Variants in SAMD5 observed in about 807,000 individuals in gnomAD.
SAMD5 encodes the protein sterile alpha motif domain-containing protein 5.
In SAMD5, 13 loss-of-function variants were observed where a neutral mutation model predicts 11.3. The ratio of observed to expected loss-of-function variants is 1.15; its 90% confidence interval spans 0.75 to 1.83. SAMD5 has a LOEUF of 1.83. Among genes scored for constraint, SAMD5 ranks in the 40% most tolerant of loss-of-function variants. The probability of loss-of-function intolerance (pLI) is 0.00; values close to 1 mark genes in which losing one functional copy is unlikely to be tolerated. For missense variants in SAMD5, 255 were observed against 239.1 expected, an observed-to-expected ratio of 1.07 and a Z score of -0.44; for synonymous variants, 129 against 111.3, an observed-to-expected ratio of 1.16 and a Z score of -1.00.
chr6:147,773,901 G>A, the SAMD5 span, among the ~76,000 whole-genome samples: 1 of 152,112 alleles, frequency 6.6e-6, no homozygotes, highest in African/African-American at 2.4e-5. Context: ...GTAGTGCAGT[G>A]GCATGATCAC....
intron 1 of SAMD5, among the ~76,000 whole-genome samples, chr6:147,537,329 T>G (rs1035571916): frequency 2.0e-5 from 3 of 152,206 alleles, no homozygotes; most frequent in Non-Finnish European, 2.9e-5. Context: ...AGACATGATT[T>G]AAAATTTGAT....
In SAMD5 at chr6:147,633,637, C is replaced by G. The variant is rs900438374; in HGVS notation, c.163-103680C>G. Reference sequence around the variant, plus strand: ...CATACAACATACAACAGCTTCCATGCAAAGTATTGAACCCAATCTGGTAAT... The same window carrying G: ...CATACAACATACAACAGCTTCCATGGAAAGTATTGAACCCAATCTGGTAAT... On this transcript the variant is annotated intron_variant, in intron 1 of 1. Transcript: ENST00000566741. Among the ~76,000 whole-genome samples, 7 of 150,938 alleles carry G rather than the reference C, an allele frequency of 4.6e-5. No homozygotes were observed. In the South Asian group the frequency reaches 8.3e-4, roughly 18 times the overall value.
chr6:147,558,795 G>A (rs1018143592), intron 1 of SAMD5, among the ~76,000 whole-genome samples: 1 of 151,818 alleles, frequency 6.6e-6, no homozygotes, highest in African/African-American at 2.4e-5. Flanking sequence ...CCCCTTTAAG[G>A]CTAACTCCCA....
intron 1 of SAMD5, among the ~76,000 whole-genome samples, chr6:147,595,521 C>A (rs1394604068): frequency 7.4e-6 from 1 of 134,776 alleles, no homozygotes; most frequent in Non-Finnish European, 1.5e-5. Flanking sequence ...GACTAAACTA[C>A]CTTTTTTTTT....
chr6:147,551,812 T>TTTTATATA (rs368122795), intron 1 of SAMD5, among the ~76,000 whole-genome samples: 20 of 99,454 alleles, frequency 2.0e-4, no homozygotes, highest in Middle Eastern at 5.4e-3. Context: ...TATATATATG[T>TTTTATATA]TATATATATA....
intron 1 of SAMD5, among the ~76,000 whole-genome samples, chr6:147,667,290 C>CT (rs578190164): frequency 1.9e-3 from 287 of 151,660 alleles, no homozygotes; most frequent in African/African-American, 4.2e-3. Context: ...TCGTCAGCAT[C>CT]TTTTTTTTAA....
chr6:147,733,756 C>G, intron 1 of SAMD5: 3 of 967,004 alleles, frequency 3.1e-6, no homozygotes, highest in Non-Finnish European at 2.5e-6. Context: ...ATTCTTCAGG[C>G]AGAAAATGGG....
At chr6:147,910,712 G>A in the SAMD5 span, among the ~76,000 whole-genome samples, 1 of 152,126 alleles carries the variant, frequency 6.6e-6, no homozygotes, top group Non-Finnish European at 1.5e-5. Context: ...GATAATTTGT[G>A]CTGGCCAGTC....
chr6:147,765,527 A>G, the SAMD5 span, among the ~76,000 whole-genome samples: 2 of 152,232 alleles, frequency 1.3e-5, no homozygotes, highest in East Asian at 1.9e-4. Flanking sequence ...AGAAAAGGCA[A>G]CAGTGGAAAA....
At chr6:147,675,305 C>A (rs930072362) in intron 1 of SAMD5, among the ~76,000 whole-genome samples, 8 of 152,114 alleles carry the variant, frequency 5.3e-5, no homozygotes, top group Non-Finnish European at 8.8e-5. Context: ...TGTTCCTGGG[C>A]TTCCTTTAGA....
the SAMD5 span, among the ~76,000 whole-genome samples, chr6:147,921,088 ACCAGACATTGGT>A: frequency 5.3e-5 from 8 of 152,240 alleles, no homozygotes; most frequent in Admixed American, 5.2e-4. Context: ...ACTATTCTGA[ACCAGACATTGGT>A]CCAGAATAAG....
chr6:147,721,251 C>G lies in SAMD5; in HGVS notation c.163-16066C>G, dbSNP rs6911881. 2.6e-3 allele frequency among the ~76,000 whole-genome samples: 392 copies of G among 149,560 alleles called. 5 individuals carry two copies. The highest frequency in any genetic ancestry group is 9.3e-3 in the African/African-American group (373 of 40,276). On this transcript the variant is annotated intron_variant, in intron 1 of 1. Transcript: ENST00000566741. ...GCTGGGTCAAATGGTATTTCTAGTT[C>G]TAGATCCCTGAGGAATCGCCACACT... is the stretch of plus-strand genomic sequence containing the variant.
chr6:147,758,675 A>C, the SAMD5 span, among the ~76,000 whole-genome samples: 2 of 152,198 alleles, frequency 1.3e-5, no homozygotes, highest in Non-Finnish European at 2.9e-5. Flanking sequence ...AAATCGAGTC[A>C]GGGCATACCT....
Position 147,568,203 on chromosome 6 carries a change from A to G in SAMD5, c.*3747A>G, listed in dbSNP as rs752767487. The G allele has an allele frequency of 1.9e-5, 19 of 985,306 alleles. No homozygotes were observed. The highest frequency in any genetic ancestry group is 1.0e-3 in the Middle Eastern group (2 of 1,936). 61.0% of individuals were successfully genotyped at this position (985,306 alleles called of 1,614,324 possible). A position where few individuals can be genotyped will look rare whatever the true frequency, so the allele number is the denominator to read the frequency against. On this transcript the variant is annotated 3_prime_UTR_variant, in exon 2 of 2. Transcript: ENST00000367474. ...CAAGATACAAAGCAGATGATGGTGG[A>G]TCGGCAAACTCTTTTCTATGAAAAG... is the stretch of plus-strand genomic sequence containing the variant.
chr6:147,759,678 G>A, the SAMD5 span, among the ~76,000 whole-genome samples: 1 of 151,808 alleles, frequency 6.6e-6, no homozygotes. Flanking sequence ...TAAAGTCTAG[G>A]TTCCCAAGGC....
intron 1 of SAMD5, among the ~76,000 whole-genome samples, chr6:147,529,449 A>G (rs1465743648): frequency 2.0e-5 from 3 of 152,178 alleles, no homozygotes; most frequent in Non-Finnish European, 4.4e-5. Flanking sequence ...CTAGAATTGA[A>G]CATTCTCTTC....
the SAMD5 span, among the ~76,000 whole-genome samples, chr6:147,782,820 A>G: frequency 6.6e-6 from 1 of 152,248 alleles, no homozygotes; most frequent in Non-Finnish European, 1.5e-5. Flanking sequence ...TTACTGATGA[A>G]TTGTGAGCTA....
chr6:147,672,789 G>A (rs1790812427), intron 1 of SAMD5, among the ~76,000 whole-genome samples: 1 of 151,912 alleles, frequency 6.6e-6, no homozygotes, highest in African/African-American at 2.4e-5. Flanking sequence ...TTTTCTAGGT[G>A]AAGATTTACT....
chr6:147,732,063 A>T (rs1791723571), intron 1 of SAMD5, among the ~76,000 whole-genome samples: 1 of 152,190 alleles, frequency 6.6e-6, no homozygotes, highest in Non-Finnish European at 1.5e-5. Flanking sequence ...AAAATCATAA[A>T]ATATTACTAT....
Sources: allele counts gnomAD v4.1 joint callset (sites outside exome capture counted in the v4.1 genomes callset), GRCh38; gene constraint gnomAD v4.1.1; transcripts MANE v1.5; gene names NCBI Gene and HGNC (gene_info 2026-07-23, HGNC 2026-07-21).